Variants in PRAMEF2 observed in about 807,000 individuals in gnomAD.
PRAMEF2 encodes the protein PRAME family member 2.
A neutral mutation model predicts 38.0 loss-of-function variants in PRAMEF2; 35 were observed. That is an observed-to-expected ratio of 0.92 (90% CI 0.70 to 1.22). The LOEUF (loss-of-function observed/expected upper bound fraction) is 1.22. Ranked by LOEUF, PRAMEF2 falls within the 50% of genes most tolerant of loss-of-function variation. PRAMEF2 has a pLI of 0.00. For missense variants in PRAMEF2, 562 were observed against 553.9 expected (o/e 1.01, Z -0.15); for synonymous variants, 240 against 232.4 (o/e 1.03, Z -0.30).
At position 12,860,225 on chromosome 1, in the gene PRAMEF2, A is replaced by G. The variant is rs1369334026; in HGVS notation, c.820A>G (p.Ile274Val). Residue 274 changes from isoleucine to valine, a missense_variant, in exon 3 of 4, where the codon ATA (isoleucine) becomes GTA (valine). Transcript: ENST00000240189. Reference protein sequence around the residue: ...LRLEHLQLLKIKLITFFSGHL... With the variant: ...LRLEHLQLLKVKLITFFSGHL... Reference sequence around the variant, plus strand: ...GCTGGAACACCTCCAGTTGCTTAAAATAAAATTGATCACCTTCTTCAGTGG... The same window carrying G: ...GCTGGAACACCTCCAGTTGCTTAAAGTAAAATTGATCACCTTCTTCAGTGG... 2 of 1,606,944 alleles carry G rather than the reference A, an allele frequency of 1.2e-6. No individual in the cohort carries two copies. Among genetic ancestry groups the G allele is most frequent in the Non-Finnish European group, 1.7e-6 (2 of 1,176,706 alleles).
At chr1:12,860,973 C>A (rs3116721) in intron 3 of PRAMEF2, among the ~76,000 whole-genome samples, 35,926 of 136,996 alleles carry the variant, frequency 0.26, 5,272 homozygotes, top group African/African-American at 0.36. Context: ...AGATGAAAAA[C>A]AAAAAGGCTT....
At chr1:12,861,185 T>A in intron 3 of PRAMEF2, 36 bp from the exon 4 acceptor site, 1 of 1,586,928 alleles carries the variant, frequency 6.3e-7, no homozygotes. Context: ...ATCTAACTGG[T>A]ACCATTGCCC....
Position 12,860,092 on chromosome 1 carries a change from G to A in PRAMEF2, c.687G>A (p.Lys229=), listed in dbSNP as rs754701755. 5 of 1,606,520 alleles carry A rather than the reference G, an allele frequency of 3.1e-6. No individual in the cohort carries two copies. Among genetic ancestry groups the A allele is most frequent in the Non-Finnish European group, 4.3e-6 (5 of 1,176,422 alleles). The part of the protein sequence containing the change: ...HLIRKLYCYL[K]EMKTLCKLVF... Reference sequence around the variant, plus strand: ...TAAGAAAGCTTTATTGTTACCTGAAGGAGATGAAGACTCTTTGCAAACTCG... The same window carrying A: ...TAAGAAAGCTTTATTGTTACCTGAAAGAGATGAAGACTCTTTGCAAACTCG... The change falls in exon 3 of 4, where the codon AAG becomes AAA. Residue 229 remains lysine (K), a synonymous_variant. Transcript: ENST00000240189.
Position 12,861,383 on chromosome 1 carries a change from G to A in PRAMEF2, c.1029G>A (p.Leu343=), listed in dbSNP as rs778585375. 8.7e-6 allele frequency: 14 copies of A among 1,605,036 alleles called. 1 individual carries two copies. The highest frequency in any genetic ancestry group is 1.7e-4 in the Middle Eastern group (1 of 5,916). The change falls in exon 4 of 4, where the codon CTG becomes CTA. Residue 343 remains leucine (L), a synonymous_variant. Coordinates refer to ENST00000240189, the MANE Select transcript of PRAMEF2 (RefSeq NM_023014.1). The stretch of plus-strand genomic sequence containing the variant: ...TCAGTCTTGAACCCCTAGGAGCTCT[G>A]CTAGAGAAAATTGCTGCCTCTCTCG... The part of the protein sequence containing the change: ...FRISLEPLGA[L]LEKIAASLET...
rs3204803 is a variant in PRAMEF2, at chr1:12,860,061, A to G, written c.656A>G (p.His219Arg). 75 of 1,606,724 alleles carry G rather than the reference A, an allele frequency of 4.7e-5. 6 individuals are homozygous for G. Among genetic ancestry groups the G allele is most frequent in the Non-Finnish European group, 6.1e-5 (72 of 1,176,502 alleles). ...ELEIHNTCWP[H>R]LIRKLYCYLK... Reference sequence around the variant, plus strand: ...GAAATTCACAACACGTGCTGGCCACATCTGATAAGAAAGCTTTATTGTTAC... The same window carrying G: ...GAAATTCACAACACGTGCTGGCCACGTCTGATAAGAAAGCTTTATTGTTAC... The change falls in exon 3 of 4, where the codon CAT becomes CGT. Residue 219 changes from histidine (H) to arginine (R), a missense_variant. Physicochemically the swap from His to Arg is conservative, Grantham distance 29 (BLOSUM62 0). Coordinates refer to ENST00000240189, the MANE Select transcript of PRAMEF2 (RefSeq NM_023014.1).
Position 12,861,570 on chromosome 1 carries a change from A to C in PRAMEF2, c.1216A>C (p.Lys406Gln), listed in dbSNP as rs1486752349. 4.4e-6 allele frequency: 7 copies of C among 1,604,826 alleles called. No individual in the cohort carries two copies. In the Admixed American group the frequency reaches 5.2e-5, roughly 12 times the overall value. Reference sequence around the variant, plus strand: ...GCTGCGCCACACCAGTGGGCTGAGCAAGTTAAGCCTGGAGACGTATCCTGC... The same window carrying C: ...GCTGCGCCACACCAGTGGGCTGAGCCAGTTAAGCCTGGAGACGTATCCTGC... ...DLLRHTSGLS[K>Q]LSLETYPAPE... The change falls in exon 4 of 4, where the codon AAG (lysine) becomes CAG (glutamine). Residue 406 changes from lysine to glutamine, a missense_variant. By Grantham distance (53) the Lys-to-Gln change is moderately conservative. Coordinates refer to ENST00000240189, the MANE Select transcript of PRAMEF2 (RefSeq NM_023014.1).
Position 12,859,434 on chromosome 1 carries a change from C to A in PRAMEF2, c.287+138C>A, listed in dbSNP as rs1278964596. 2.0e-6 allele frequency: 3 copies of A among 1,499,472 alleles called. No individual in the cohort carries two copies. The African/African-American group carries it at 4.2e-5, about 21-fold the overall frequency. 92.9% of individuals were successfully genotyped at this position (1,499,472 alleles called of 1,614,324 possible). On this transcript the variant is annotated intron_variant, in intron 2 of 3. Transcript: ENST00000240189. ...CGAGGAAGCTCAGGGAGGCTTTGGC[C>A]ATTGTCCAGATCCTCAGAGAAAGGA...
rs1217717883 is a variant in PRAMEF2, at chr1:12,858,184, C to T, written c.-25-801C>T. On this transcript the variant is annotated intron_variant, in intron 1 of 3. Coordinates refer to ENST00000240189, the MANE Select transcript of PRAMEF2 (RefSeq NM_023014.1). ...CTCTGGGCTTCAAGTGATTCTCCTT[C>T]CTCTGCCTCCAGAGTAGCTAGGATT... 5.3e-5 allele frequency among the ~76,000 whole-genome samples: 8 copies of T among 150,108 alleles called. 2 individuals are homozygous for T. Among genetic ancestry groups the T allele is most frequent in the South Asian group, 2.1e-4 (1 of 4,688 alleles).
chr1:12,858,097 C>G (rs1243322283), intron 1 of PRAMEF2, among the ~76,000 whole-genome samples: 6 of 149,558 alleles, frequency 4.0e-5, no homozygotes, highest in Non-Finnish European at 8.9e-5. Context: ...CTGCGATGTA[C>G]TCTGAGTGCG....
Position 12,859,196 on chromosome 1 carries a change from T to C in PRAMEF2, c.187T>C (p.Cys63Arg), listed in dbSNP as rs1304375492. The change falls in exon 2 of 4, where the codon TGC (cysteine) becomes CGC (arginine). Residue 63 changes from cysteine (C) to arginine (R), a missense_variant. Physicochemically the swap from Cys to Arg is radical, Grantham distance 180. This residue lies in a region of PRAMEF2 where 486 missense variants were observed against 444.2 expected (regional missense o/e 1.09). Coordinates refer to ENST00000240189, the MANE Select transcript of PRAMEF2 (RefSeq NM_023014.1). ...TVMVQAWPFTCLPLVSLMKTL... is the reference protein window; with the variant it reads ...TVMVQAWPFTRLPLVSLMKTL... The stretch of plus-strand genomic sequence containing the variant: ...GATGGTGCAGGCCTGGCCTTTCACC[T>C]GCCTCCCTCTGGTATCGCTGATGAA... 1 of 1,609,706 alleles carries C rather than the reference T, an allele frequency of 6.2e-7. No individual in the cohort carries two copies. Among genetic ancestry groups the C allele is most frequent in the South Asian group, 1.1e-5 (1 of 90,930 alleles).
At chr1:12,858,153 C>T in intron 1 of PRAMEF2, among the ~76,000 whole-genome samples, 1 of 150,026 alleles carries the variant, frequency 6.7e-6, no homozygotes, top group East Asian at 1.9e-4. Context: ...TCCCTGGAAA[C>T]TCTGCCTCTG....
chr1:12,860,032 G>C lies in PRAMEF2; in HGVS notation c.627G>C (p.Glu209Asp), dbSNP rs770682281. The change falls in exon 3 of 4, where the codon GAG becomes GAC. Residue 209 changes from glutamate to aspartate, a missense_variant. Physicochemically the swap from Glu to Asp is conservative, Grantham distance 45. Around this residue, in one of 2 missense-constraint regions of PRAMEF2, gnomAD observed 486 missense variants for 444.2 expected, o/e 1.09. Coordinates refer to ENST00000240189, the MANE Select transcript of PRAMEF2 (RefSeq NM_023014.1). ...TAATATACATTAATAGTATTGGGGAGCTGGAAATTCACAACACGTGCTGGC... is the reference window on the plus strand; with the variant it reads ...TAATATACATTAATAGTATTGGGGACCTGGAAATTCACAACACGTGCTGGC... ...LKIIYINSIG[E>D]LEIHNTCWPH... The C allele has an allele frequency of 3.1e-6, 5 of 1,606,922 alleles. No homozygotes were observed. Among genetic ancestry groups the C allele is most frequent in the Middle Eastern group, 1.7e-4 (1 of 6,048 alleles).
rs751179933 is a variant in PRAMEF2 at position 12,858,991 on chromosome 1, T to G, written c.-19T>G. 4 of 1,596,600 alleles carry G rather than the reference T, an allele frequency of 2.5e-6. No homozygotes were observed. In the African/African-American group the frequency reaches 5.4e-5, roughly 22 times the overall value. ...CCCTGGATTTGTCTTCTAGAGATTT[T>G]TCTTGCAGATCCATCAGGATGAGCA... On this transcript the variant is annotated 5_prime_UTR_variant, in exon 2 of 4. Transcript: ENST00000240189.
chr1:12,858,544 C>T (rs963040169), intron 1 of PRAMEF2, among the ~76,000 whole-genome samples: 2 of 149,956 alleles, frequency 1.3e-5, no homozygotes, highest in African/African-American at 4.9e-5. Context: ...ATAATGGCAT[C>T]GATTTTAGGG....
chr1:12,859,489 A>G (rs1640504325), intron 2 of PRAMEF2, among the ~76,000 whole-genome samples, 193 bp downstream of exon 2: 1 of 151,022 alleles, frequency 6.6e-6, no homozygotes, highest in South Asian at 2.1e-4. Flanking sequence ...CACTGTGGGA[A>G]CAGAAGCCGG....
rs1185629469 is a variant in PRAMEF2 at position 12,861,089 on chromosome 1, C to G, written c.867-132C>G. The G allele has an allele frequency of 2.1e-5, 23 of 1,102,440 alleles. 1 individual carries two copies. Among genetic ancestry groups the G allele is most frequent in the Admixed American group, 1.0e-4 (4 of 38,696 alleles). The allele number at this position is 1,102,440 out of a possible 1,614,324, so 68.3% of individuals were successfully genotyped here. ...CAGGGTCCTCATCATGCAGCAACTT[C>G]CATGAGGACCATCATCAGATGGTGG... On this transcript the variant is annotated intron_variant, in intron 3 of 3. Coordinates refer to ENST00000240189, the MANE Select transcript of PRAMEF2 (RefSeq NM_023014.1).
rs1389378856 is a variant in PRAMEF2 at position 12,859,701 on chromosome 1, A to T, written c.296A>T (p.Lys99Ile). 6.2e-7 allele frequency: 1 copy of T among 1,606,582 alleles called. No homozygotes were observed. Among genetic ancestry groups the T allele is most frequent in the Non-Finnish European group, 8.5e-7 (1 of 1,177,328 alleles). Residue 99 changes from lysine to isoleucine, a missense_variant, in exon 3 of 4, where the codon AAA becomes ATA. Transcript: ENST00000240189. The stretch of plus-strand genomic sequence containing the variant: ...CCTTACTTTACCCACAGGAGGTGGA[A>T]ACTTCAAGTGCTGGATTTGCGGGAT... Reference protein sequence around the residue: ...LTQKDRPRRWKLQVLDLRDVD... With the variant: ...LTQKDRPRRWILQVLDLRDVD...
intron 1 of PRAMEF2, among the ~76,000 whole-genome samples, chr1:12,857,628 G>C (rs537470678): frequency 1.4e-5 from 2 of 141,730 alleles, no homozygotes; most frequent in Non-Finnish European, 3.1e-5. Context: ...GTATGTGGAA[G>C]TGATGTCTAT....
rs1186861552 is a variant in PRAMEF2, at chr1:12,860,199, G to T, written c.794G>T (p.Arg265Met). ...ACCAGATTCACCTCTGTGTTCCTCA[G>T]GCTGGAACACCTCCAGTTGCTTAAA... ...LVTRFTSVFL[R>M]LEHLQLLKIK... Residue 265 changes from arginine (R) to methionine (M), a missense_variant, in exon 3 of 4, where the codon AGG (arginine) becomes ATG (methionine). This residue lies in a region of PRAMEF2 where 486 missense variants were observed against 444.2 expected (regional missense o/e 1.09). Coordinates refer to ENST00000240189, the MANE Select transcript of PRAMEF2 (RefSeq NM_023014.1). 3.7e-6 allele frequency: 6 copies of T among 1,606,940 alleles called. No homozygotes were observed. In the South Asian group the frequency reaches 5.5e-5, roughly 15 times the overall value.
Sources: allele counts gnomAD v4.1 joint callset (sites outside exome capture counted in the v4.1 genomes callset), GRCh38; gene constraint gnomAD v4.1.1; regional missense constraint gnomAD v4.1.1; transcripts MANE v1.5; gene names NCBI Gene and HGNC (gene_info 2026-07-23, HGNC 2026-07-21).